ABCA13: variants seen among roughly 807,000 people sequenced by gnomAD.
ABCA13 encodes ATP binding cassette subfamily A member 13.
In ABCA13, 476 loss-of-function variants were observed where a neutral mutation model predicts 478.7. The ratio of observed to expected loss-of-function variants is 0.99; its 90% CI spans 0.92 to 1.07. The LOEUF is 1.07. ABCA13 is among the 50% of genes least tolerant of loss of function. The probability of loss-of-function intolerance (pLI) is 0.00; values close to 1 mark genes in which losing one functional copy is unlikely to be tolerated. For synonymous variants in ABCA13, 2,252 were observed against 2,158.9 expected, an observed-to-expected ratio of 1.04 and a Z score of -1.20; for missense variants, 6,060 against 5,910.6, an observed-to-expected ratio of 1.03 and a Z score of -0.83.
At chr7:48,342,722 C>G (rs1221505393) in intron 29 of ABCA13, among the ~76,000 whole-genome samples, 1 of 152,176 alleles carries the variant, frequency 6.6e-6, no homozygotes, top group African/African-American at 2.4e-5. Context: ...GAAAACTTTT[C>G]ACAGTGTTCA....
chr7:48,355,822 A>T (rs1250578742), intron 31 of ABCA13, among the ~76,000 whole-genome samples: 2 of 151,978 alleles, frequency 1.3e-5, no homozygotes, highest in East Asian at 3.9e-4. Flanking sequence ...TATAATAGAA[A>T]AACTGTGGGT....
At chr7:48,629,170 G>A (rs373409156) in intron 59 of ABCA13, among the ~76,000 whole-genome samples, 1 of 152,182 alleles carries the variant, frequency 6.6e-6, no homozygotes, top group East Asian at 1.9e-4. Context: ...GCAATATTGT[G>A]CTGTCACCTT....
intron 3 of ABCA13, among the ~76,000 whole-genome samples, chr7:48,203,276 C>G (rs964087520): frequency 2.0e-5 from 3 of 152,290 alleles, no homozygotes; most frequent in South Asian, 2.1e-4. Context: ...CACGCAGCCC[C>G]GGTTCCCGCT....
rs55695801 is a variant in ABCA13 at position 48,245,808 on chromosome 7, A to T, written c.1492-55A>T. ...ATTTGCAGTTCTTGAGCCCATGAAGAGGGTATCTAAGCCTCTTTAAATGTT... is the reference window on the plus strand; with the variant it reads ...ATTTGCAGTTCTTGAGCCCATGAAGTGGGTATCTAAGCCTCTTTAAATGTT... On this transcript the variant is annotated intron_variant, in intron 12 of 61. Coordinates refer to ENST00000435803, the MANE Select transcript of ABCA13 (RefSeq NM_152701.5). 3,053 of 1,525,664 alleles carry T rather than the reference A, an allele frequency of 2.0e-3. 10 individuals are homozygous for T. The highest frequency in any genetic ancestry group is 2.5e-3 in the Non-Finnish European group (2,839 of 1,132,674). 94.5% of individuals were successfully genotyped at this position (1,525,664 alleles called of 1,614,324 possible).
At chr7:48,220,676 G>A (rs1254268664) in intron 4 of ABCA13, among the ~76,000 whole-genome samples, 1 of 152,242 alleles carries the variant, frequency 6.6e-6, no homozygotes, top group Middle Eastern at 3.4e-3. Flanking sequence ...AAATAGACCA[G>A]AATGGTTCCA....
chr7:48,628,742 A>G (rs1429462033), intron 59 of ABCA13, among the ~76,000 whole-genome samples: 1 of 152,218 alleles, frequency 6.6e-6, no homozygotes, highest in Non-Finnish European at 1.5e-5. Flanking sequence ...TACCATTTGA[A>G]ATAGTGCCAG....
chr7:48,247,408 C>T (rs143365964), intron 13 of ABCA13, among the ~76,000 whole-genome samples: 4 of 152,120 alleles, frequency 2.6e-5, no homozygotes, highest in Non-Finnish European at 4.4e-5. Context: ...TAGTCTCATA[C>T]GAAGCAGGGA....
chr7:48,246,620 T>C (rs927521415), intron 13 of ABCA13, among the ~76,000 whole-genome samples: 2 of 152,098 alleles, frequency 1.3e-5, no homozygotes, highest in East Asian at 3.8e-4. Flanking sequence ...TATATCCTTA[T>C]ATACCATGGA....
Position 48,226,102 on chromosome 7 carries a change from C to T in ABCA13, c.469-1160C>T, listed in dbSNP as rs77834987. 1.8e-4 allele frequency among the ~76,000 whole-genome samples: 28 copies of T among 152,004 alleles called. 1 individual carries two copies. Among genetic ancestry groups the T allele is most frequent in the East Asian group, 1.2e-3 (6 of 5,156 alleles). Reference sequence around the variant, plus strand: ...GTAGAAAAGGAGTGGGGTTGGTCATCGAAGAGTGAGGTGCATAAAGTTGTA... The same window carrying T: ...GTAGAAAAGGAGTGGGGTTGGTCATTGAAGAGTGAGGTGCATAAAGTTGTA... On this transcript the variant is annotated intron_variant, in intron 5 of 61. Coordinates refer to ENST00000435803, the MANE Select transcript of ABCA13 (RefSeq NM_152701.5).
intron 58 of ABCA13, among the ~76,000 whole-genome samples, chr7:48,607,935 C>T (rs1325100778): frequency 6.6e-6 from 1 of 152,122 alleles, no homozygotes; most frequent in Non-Finnish European, 1.5e-5. Flanking sequence ...GGCTGGAGTA[C>T]AGCAATGCAA....
chr7:48,346,851 C>A (rs1808189059), intron 29 of ABCA13, among the ~76,000 whole-genome samples: 1 of 152,184 alleles, frequency 6.6e-6, no homozygotes, highest in Non-Finnish European at 1.5e-5. Context: ...GTCTTGTCAG[C>A]TTTGAAGCAC....
chr7:48,434,716 C>G (rs905340708), intron 42 of ABCA13, among the ~76,000 whole-genome samples: 1 of 151,846 alleles, frequency 6.6e-6, no homozygotes, highest in Non-Finnish European at 1.5e-5. Context: ...CATTTTTATT[C>G]TCTTGCATAT....
intron 43 of ABCA13, among the ~76,000 whole-genome samples, chr7:48,459,420 T>G (rs2129901747): frequency 6.6e-6 from 1 of 152,318 alleles, no homozygotes; most frequent in Non-Finnish European, 1.5e-5. Flanking sequence ...CATCTCTCCC[T>G]GTTTAAGGAA....
At chr7:48,418,948 G>C (rs775208676) in intron 41 of ABCA13, among the ~76,000 whole-genome samples, 2 of 152,202 alleles carry the variant, frequency 1.3e-5, no homozygotes, top group Non-Finnish European at 2.9e-5. Context: ...TCAAGGTTCT[G>C]CAGGCTGTAC....
chr7:48,580,739 G>C (rs1178709945), intron 56 of ABCA13, among the ~76,000 whole-genome samples: 1 of 152,112 alleles, frequency 6.6e-6, no homozygotes, highest in African/African-American at 2.4e-5. Context: ...TGTATTTTCA[G>C]GGCTTGTGAA....
chr7:48,421,889 TACTC>T (rs1208609630), intron 41 of ABCA13, among the ~76,000 whole-genome samples: 7 of 152,102 alleles, frequency 4.6e-5, no homozygotes, highest in African/African-American at 1.4e-4. Context: ...AAACTCGACT[TACTC>T]ATTCTTATGC....
At chr7:48,574,715 T>C (rs1787998936) in intron 55 of ABCA13, among the ~76,000 whole-genome samples, 1 of 152,226 alleles carries the variant, frequency 6.6e-6, no homozygotes, top group Admixed American at 6.5e-5. Flanking sequence ...AGCCATCACT[T>C]TCTCCACAAC....
intron 55 of ABCA13, among the ~76,000 whole-genome samples, chr7:48,548,163 T>C (rs1243840497): frequency 6.6e-6 from 1 of 151,942 alleles, no homozygotes; most frequent in Non-Finnish European, 1.5e-5. Context: ...TATTTTCATT[T>C]GTTAGTTTTC....
At chr7:48,531,318 T>G (rs1043196412) in intron 55 of ABCA13, among the ~76,000 whole-genome samples, 3 of 152,182 alleles carry the variant, frequency 2.0e-5, no homozygotes, top group Non-Finnish European at 2.9e-5. Context: ...TGGCTTTATT[T>G]CTGGGTTATT....
Sources: allele counts gnomAD v4.1 joint callset (sites outside exome capture counted in the v4.1 genomes callset), GRCh38; gene constraint gnomAD v4.1.1; transcripts MANE v1.5; gene names NCBI Gene and HGNC (gene_info 2026-07-23, HGNC 2026-07-21).